PDE4B: variants seen among roughly 807,000 people sequenced by gnomAD.
The protein encoded by PDE4B is 3',5'-cyclic-AMP phosphodiesterase 4B.
A neutral mutation model predicts 82.2 loss-of-function variants in PDE4B; 20 were observed. The observed-to-expected ratio is 0.24, with a 90% CI of 0.17 to 0.35. The LOEUF (loss-of-function observed/expected upper bound fraction) is 0.35. Among genes scored for constraint, PDE4B ranks in the 10% least tolerant of loss-of-function variants. The pLI, the probability that PDE4B is intolerant of heterozygous loss-of-function variation, is 1.00. For missense variants in PDE4B, 655 were observed against 907.2 expected (o/e 0.72, Z 3.57); for synonymous variants, 320 against 318.9 (o/e 1.00, Z -0.04).
intron 3 of PDE4B, among the ~76,000 whole-genome samples, chr1:65,964,841 G>A (rs1649729273): frequency 6.6e-6 from 1 of 151,918 alleles, no homozygotes; most frequent in African/African-American, 2.4e-5. Flanking sequence ...GTATGTGCAT[G>A]TGTGTGTGTG....
At chr1:65,853,445 A>G (rs1356330117) in intron 1 of PDE4B, among the ~76,000 whole-genome samples, 1 of 150,910 alleles carries the variant, frequency 6.6e-6, no homozygotes, top group Non-Finnish European at 1.5e-5. Flanking sequence ...TTCCTCTTTT[A>G]TTCTTTTTGT....
At chr1:66,300,887 T>C (rs1657842679) in intron 7 of PDE4B, among the ~76,000 whole-genome samples, 1 of 152,212 alleles carries the variant, frequency 6.6e-6, no homozygotes, top group Non-Finnish European at 1.5e-5. Context: ...TTTTTCTGAC[T>C]TTCTTACTGG....
At chr1:66,159,054 A>T (rs1298326680) in intron 3 of PDE4B, among the ~76,000 whole-genome samples, 3 of 152,148 alleles carry the variant, frequency 2.0e-5, no homozygotes, top group African/African-American at 7.2e-5. Flanking sequence ...ATAAAAATGT[A>T]TTGTATATTT....
chr1:65,931,078 G>A (rs530858171), intron 3 of PDE4B, among the ~76,000 whole-genome samples: 3 of 152,286 alleles, frequency 2.0e-5, no homozygotes, highest in South Asian at 2.1e-4. Context: ...ATGATAATGA[G>A]TGAGTGAGTT....
chr1:65,897,252 C>A (rs1646920810), intron 1 of PDE4B, among the ~76,000 whole-genome samples: 1 of 152,106 alleles, frequency 6.6e-6, no homozygotes, highest in African/African-American at 2.4e-5. Flanking sequence ...TTGCAGAGAC[C>A]TTACCTGTAC....
chr1:66,113,002 C>T (rs539289858), intron 3 of PDE4B, among the ~76,000 whole-genome samples: 1 of 152,318 alleles, frequency 6.6e-6, no homozygotes, highest in Non-Finnish European at 1.5e-5. Flanking sequence ...GACCAAGTTT[C>T]TTTTTGGTTC....
chr1:66,078,875 T>A (rs1289633239), intron 3 of PDE4B, among the ~76,000 whole-genome samples: 1 of 152,128 alleles, frequency 6.6e-6, no homozygotes, highest in African/African-American at 2.4e-5. Flanking sequence ...ACTCCTGTTC[T>A]CTTCAAGTGT....
intron 3 of PDE4B, among the ~76,000 whole-genome samples, chr1:65,989,105 T>C (rs1449950752): frequency 1.3e-5 from 2 of 152,216 alleles, no homozygotes; most frequent in East Asian, 1.9e-4. Flanking sequence ...TTAATTGTTA[T>C]TGACTATATA....
chr1:66,295,997 T>C (rs1051488057), intron 7 of PDE4B, among the ~76,000 whole-genome samples: 1 of 152,100 alleles, frequency 6.6e-6, no homozygotes, highest in Non-Finnish European at 1.5e-5. Context: ...TCAGTGCACT[T>C]GAGTACTTTC....
intron 7 of PDE4B, among the ~76,000 whole-genome samples, chr1:66,294,686 A>T (rs1657371527): frequency 6.6e-6 from 1 of 151,918 alleles, no homozygotes; most frequent in African/African-American, 2.4e-5. Flanking sequence ...TATATTAGCT[A>T]TTTTTTTTAT....
At chr1:65,924,483 A>G (rs920147595) in intron 3 of PDE4B, among the ~76,000 whole-genome samples, 8 of 152,188 alleles carry the variant, frequency 5.3e-5, no homozygotes, top group African/African-American at 9.7e-5. Flanking sequence ...GTATTTAAAA[A>G]TACACTAGAT....
intron 3 of PDE4B, among the ~76,000 whole-genome samples, chr1:66,180,011 T>C (rs2101394556): frequency 6.6e-6 from 1 of 152,310 alleles, no homozygotes; most frequent in Middle Eastern, 3.4e-3. Context: ...TTAACTGAAA[T>C]AATAACTTCT....
intron 3 of PDE4B, among the ~76,000 whole-genome samples, chr1:66,164,368 C>G (rs12748701): frequency 1.3e-5 from 2 of 151,432 alleles, no homozygotes; most frequent in South Asian, 2.1e-4. Context: ...AACCCCATCT[C>G]TACTAAAAAT....
At chr1:66,161,054 AT>A (rs11345376) in intron 3 of PDE4B, among the ~76,000 whole-genome samples, 117,336 of 151,484 alleles carry the variant, frequency 0.77, 45,843 homozygotes, top group Non-Finnish European at 0.83. Flanking sequence ...GATGAAAGGC[AT>A]TTTTTTTTTC....
intron 7 of PDE4B, among the ~76,000 whole-genome samples, chr1:66,297,152 G>A: frequency 6.6e-6 from 1 of 151,990 alleles, no homozygotes; most frequent in East Asian, 1.9e-4. Flanking sequence ...GAGTCTCGGG[G>A]GAAAATGATT....
chr1:65,924,299 C>G (rs1029425122), intron 3 of PDE4B, among the ~76,000 whole-genome samples: 51 of 150,334 alleles, frequency 3.4e-4, no homozygotes, highest in African/African-American at 1.2e-3. Context: ...TGGTCTCGAT[C>G]TCCTGACCTC....
At chr1:66,120,286 GA>G (rs1645683246) in intron 3 of PDE4B, among the ~76,000 whole-genome samples, 1 of 152,128 alleles carries the variant, frequency 6.6e-6, no homozygotes, top group Admixed American at 6.6e-5. Flanking sequence ...CTTCGTCTTT[GA>G]TTCCTTGACC....
At chr1:66,235,207 A>G (rs1296936939) in intron 3 of PDE4B, among the ~76,000 whole-genome samples, 2 of 152,168 alleles carry the variant, frequency 1.3e-5, no homozygotes, top group African/African-American at 4.8e-5. Context: ...CGTGCACTTG[A>G]AAAAATGTCT....
rs375267801 is a variant in PDE4B, at chr1:66,196,838, T to C, written c.282-50622T>C. 6.0e-4 allele frequency among the ~76,000 whole-genome samples: 90 copies of C among 149,306 alleles called. No individual in the cohort carries two copies. In the East Asian group the frequency reaches 0.014, roughly 23 times the overall value. On this transcript the variant is annotated intron_variant, in intron 3 of 16. Coordinates refer to ENST00000341517, the MANE Select transcript of PDE4B (RefSeq NM_002600.4). ...GTGGGGGGAGGGGGGAGGGATAGCA[T>C]TGGGAGATATACCTAATGCTAGATG...
Sources: gnomAD v4.1 joint callset for allele counts (sites outside exome capture counted in the v4.1 genomes callset) on GRCh38, gnomAD v4.1.1 for gene constraint, MANE v1.5 for transcripts, NCBI Gene and HGNC (gene_info 2026-07-23, HGNC 2026-07-21) for gene names.